Variants in RGL1 observed in about 807,000 individuals in gnomAD.
The protein encoded by RGL1 is ral guanine nucleotide dissociation stimulator like 1.
A neutral mutation model predicts 95.2 loss-of-function variants in RGL1; 24 were observed. The ratio of observed to expected loss-of-function variants is 0.25; its 90% CI spans 0.18 to 0.35. The LOEUF is 0.35. Ranked by LOEUF, RGL1 falls within the 10% of genes least tolerant of loss-of-function variation. RGL1 has a pLI of 1.00. For synonymous variants in RGL1, 329 were observed against 344.9 expected, an observed-to-expected ratio of 0.95 and a Z score of 0.51; for missense variants, 715 against 936.3, an observed-to-expected ratio of 0.76 and a Z score of 3.08.
intron 7 of RGL1, among the ~76,000 whole-genome samples, chr1:183,885,708 A>T (rs1667069263): frequency 6.6e-6 from 1 of 152,218 alleles, no homozygotes; most frequent in Non-Finnish European, 1.5e-5. Context: ...GGGACATACT[A>T]GGATAGAGCA....
At chr1:183,752,984 C>T (rs1219522778) in intron 2 of RGL1, among the ~76,000 whole-genome samples, 1 of 152,034 alleles carries the variant, frequency 6.6e-6, no homozygotes, top group African/African-American at 2.4e-5. Flanking sequence ...TTTTATTTAA[C>T]ATTTTGGGGT....
intron 2 of RGL1, among the ~76,000 whole-genome samples, chr1:183,798,079 G>T (rs377160620): frequency 1.0e-3 from 153 of 152,316 alleles, no homozygotes; most frequent in African/African-American, 3.5e-3. Context: ...ACATTAGTCT[G>T]CTTAGGTAGT....
At chr1:183,648,884 C>A in intron 1 of RGL1, 2 of 921,664 alleles carry the variant, frequency 2.2e-6, no homozygotes, top group African/African-American at 1.7e-5. Flanking sequence ...ATTTATTAAA[C>A]CATACTTTCT....
chr1:183,742,235 A>G lies in RGL1; in HGVS notation c.78A>G (p.Gly26=). The G allele has an allele frequency of 1.9e-6, 3 of 1,614,126 alleles. No individual in the cohort carries two copies. The African/African-American group carries it at 4.0e-5, about 22-fold the overall frequency. ...TTTCCACCAAGGTAGAAAGCACGGG[A>G]CACTGGCTGGTGGAAGATCATGTTC... The change falls in exon 2 of 19, where the codon GGA becomes GGG. Residue 26 remains glycine (G), a synonymous_variant. Transcript: ENST00000304685.
chr1:183,657,537 A>G (rs371304686), intron 1 of RGL1, among the ~76,000 whole-genome samples: 11,507 of 150,182 alleles, frequency 0.077, 742 homozygotes, highest in African/African-American at 0.2. Flanking sequence ...GAGAACATGC[A>G]GTGTTTGGTT....
chr1:183,847,905 A>G, intron 3 of RGL1, 131 bp downstream of exon 3: 1 of 665,404 alleles, frequency 1.5e-6, no homozygotes, highest in South Asian at 1.9e-5. Context: ...GGAAGGGATG[A>G]CCTTTGGCAC....
intron 1 of RGL1, among the ~76,000 whole-genome samples, chr1:183,662,311 C>A (rs1651696906): frequency 1.3e-5 from 2 of 151,096 alleles, no homozygotes; most frequent in African/African-American, 4.9e-5. Context: ...TCTAGAAAAC[C>A]CCATTGTCTC....
At chr1:183,895,735 A>G (rs1353588711) in intron 9 of RGL1, among the ~76,000 whole-genome samples, 4 of 152,164 alleles carry the variant, frequency 2.6e-5, no homozygotes, top group Non-Finnish European at 5.9e-5. Context: ...GGAAAAACTG[A>G]AACTGCTGGA....
intron 2 of RGL1, among the ~76,000 whole-genome samples, chr1:183,742,873 T>C (rs768337121): frequency 6.6e-6 from 1 of 152,196 alleles, no homozygotes; most frequent in African/African-American, 2.4e-5. Context: ...CATTTCCATA[T>C]AGGCATGAAG....
chr1:183,688,955 G>A (rs1032997855), intron 1 of RGL1, among the ~76,000 whole-genome samples: 2 of 152,028 alleles, frequency 1.3e-5, no homozygotes, highest in African/African-American at 4.8e-5. Context: ...CACTTGGAGA[G>A]GTAAATGACA....
At chr1:183,814,363 G>A (rs555140275) in intron 2 of RGL1, among the ~76,000 whole-genome samples, 75 of 152,144 alleles carry the variant, frequency 4.9e-4, no homozygotes, top group African/African-American at 1.3e-3. Context: ...GTTATGTGGC[G>A]TATGACTTCT....
chr1:183,889,127 G>A (rs369001145), intron 8 of RGL1, among the ~76,000 whole-genome samples: 1 of 151,984 alleles, frequency 6.6e-6, no homozygotes, highest in Admixed American at 6.6e-5. Flanking sequence ...ATATTTCTTG[G>A]TGCAACCGTT....
chr1:183,662,339 A>AGTT, intron 1 of RGL1, among the ~76,000 whole-genome samples: 1 of 151,776 alleles, frequency 6.6e-6, no homozygotes. Flanking sequence ...AATCTCCTTA[A>AGTT]GCTGATAAGC....
chr1:183,772,455 A>G (rs901047944), intron 2 of RGL1, among the ~76,000 whole-genome samples: 6 of 152,188 alleles, frequency 3.9e-5, no homozygotes, highest in Non-Finnish European at 5.9e-5. Flanking sequence ...TGAGAAAGAA[A>G]TGACATTTTT....
chr1:183,733,162 G>A (rs1256502990), intron 1 of RGL1, among the ~76,000 whole-genome samples: 1 of 152,046 alleles, frequency 6.6e-6, no homozygotes, highest in African/African-American at 2.4e-5. Context: ...TACGGGGTTT[G>A]CTAAAGGACA....
At chr1:183,798,425 A>G (rs1259568904) in intron 2 of RGL1, among the ~76,000 whole-genome samples, 1 of 152,082 alleles carries the variant, frequency 6.6e-6, no homozygotes, top group African/African-American at 2.4e-5. Context: ...GTTTGGGGAT[A>G]AGTATATTCC....
chr1:183,912,201 C>G lies in RGL1; in HGVS notation c.1682C>G (p.Ser561Trp). 1.2e-6 allele frequency: 2 copies of G among 1,614,054 alleles called. No individual in the cohort carries two copies. The highest frequency in any genetic ancestry group is 2.2e-5 in the East Asian group (1 of 44,878). Reference protein sequence around the residue: ...MDSVSVSSCESNHSEAEEGSI... With the variant: ...MDSVSVSSCEWNHSEAEEGSI... ...TCTGTCAGCGTGTCATCCTGCGAGT[C>G]GAACCACTCAGAGGCTGAGGAGGGC... The change falls in exon 15 of 18, where the codon TCG (serine) becomes TGG (tryptophan). Residue 561 changes from serine to tryptophan, a missense_variant. This residue lies in a region of RGL1 where 330 missense variants were observed against 429.6 expected (regional missense o/e 0.77). Transcript: ENST00000360851.
At chr1:183,840,584 C>A (rs1663984456) in intron 2 of RGL1, among the ~76,000 whole-genome samples, 2 of 151,846 alleles carry the variant, frequency 1.3e-5, no homozygotes, top group South Asian at 4.2e-4. Context: ...CAGTGCAGGC[C>A]AGGTATGGTG....
At chr1:183,782,173 G>T (rs1328165204) in intron 2 of RGL1, among the ~76,000 whole-genome samples, 1 of 152,148 alleles carries the variant, frequency 6.6e-6, no homozygotes. Flanking sequence ...TCTGTCCCCA[G>T]ATACCTGCCA....
Sources: gnomAD v4.1 joint callset for allele counts (sites outside exome capture counted in the v4.1 genomes callset) on GRCh38, gnomAD v4.1.1 for gene constraint, gnomAD v4.1.1 regional missense constraint, MANE v1.5 for transcripts, NCBI Gene and HGNC (gene_info 2026-07-23, HGNC 2026-07-21) for gene names.